Variants in FHIT observed in about 807,000 individuals in gnomAD.
The protein encoded by FHIT is fragile histidine triad diadenosine triphosphatase.
A neutral mutation model predicts 17.9 loss-of-function variants in FHIT; 19 were observed. That is an observed-to-expected ratio of 1.06 (90% confidence interval 0.74 to 1.56). FHIT has a LOEUF of 1.56. FHIT is among the 40% of genes most tolerant of loss of function. The pLI, the probability that FHIT is intolerant of heterozygous loss-of-function variation, is 0.00. For synonymous variants in FHIT, 81 were observed against 69.7 expected, an observed-to-expected ratio of 1.16 and a Z score of -0.81; for missense variants, 248 against 189.2, an observed-to-expected ratio of 1.31 and a Z score of -1.82.
At chr3:60,418,416 A>G (rs58916064) in intron 5 of FHIT, among the ~76,000 whole-genome samples, 3,543 of 45,334 alleles carry the variant, frequency 0.078, 376 homozygotes, top group East Asian at 0.21. Flanking sequence ...ATATATATAT[A>G]TATATATATA....
intron 5 of FHIT, among the ~76,000 whole-genome samples, chr3:60,079,603 C>T (rs980627479): frequency 5.3e-5 from 8 of 151,984 alleles, no homozygotes; most frequent in African/African-American, 9.7e-5. Flanking sequence ...CTCCTGAGAA[C>T]CCTACCTTCT....
chr3:60,069,983 C>A (rs1165153572), intron 5 of FHIT, among the ~76,000 whole-genome samples: 1 of 152,220 alleles, frequency 6.6e-6, no homozygotes, highest in Non-Finnish European at 1.5e-5. Context: ...CAGTTTGCAA[C>A]TTAGAAGTCA....
intron 8 of FHIT, among the ~76,000 whole-genome samples, chr3:59,826,358 GC>G (rs1440760352): frequency 3.9e-5 from 6 of 152,108 alleles, no homozygotes; most frequent in African/African-American, 1.2e-4. Context: ...CCCTTTTCCA[GC>G]AACTTCCATT....
At chr3:59,878,517 C>G (rs73100627) in intron 8 of FHIT, among the ~76,000 whole-genome samples, 3,322 of 152,234 alleles carry the variant, frequency 0.022, 46 homozygotes, top group South Asian at 0.063. Context: ...CTGACTCTCA[C>G]GCATTGTAAA....
At chr3:60,393,952 T>G (rs766279391) in intron 5 of FHIT, among the ~76,000 whole-genome samples, 1 of 152,120 alleles carries the variant, frequency 6.6e-6, no homozygotes, top group Non-Finnish European at 1.5e-5. Flanking sequence ...CCAGCTTGGA[T>G]TGATCCAGGA....
intron 4 of FHIT, among the ~76,000 whole-genome samples, chr3:60,572,490 A>C (rs1010756284): frequency 8.6e-5 from 13 of 151,992 alleles, no homozygotes; most frequent in African/African-American, 3.1e-4. Context: ...ATGGCTAAAA[A>C]TCCACAGCCA....
intron 8 of FHIT, among the ~76,000 whole-genome samples, chr3:59,915,394 A>G (rs1244290544): frequency 2.0e-5 from 3 of 152,208 alleles, no homozygotes; most frequent in African/African-American, 7.2e-5. Context: ...TTCAAACAAC[A>G]TAGGAGAGCA....
In FHIT at chr3:59,894,623, C is replaced by T. The variant is rs552611068; in HGVS notation, c.348+27723G>A. 5.9e-5 allele frequency among the ~76,000 whole-genome samples: 9 copies of T among 152,284 alleles called. No homozygotes were observed. In the South Asian group the frequency reaches 8.3e-4, roughly 14 times the overall value. The stretch of plus-strand genomic sequence containing the variant: ...GAATCAGTGAACTGGATAGACTCTA[C>T]CACCAAGATGTGATGTGTTGCGATG... On this transcript the variant is annotated intron_variant, in intron 8 of 9. Transcript: ENST00000492590.
intron 5 of FHIT, among the ~76,000 whole-genome samples, chr3:60,347,331 T>C (rs1365595831): frequency 6.6e-6 from 1 of 152,052 alleles, no homozygotes; most frequent in African/African-American, 2.4e-5. Context: ...AAGGAGTCAT[T>C]AGAATAAAAG....
chr3:59,936,358 T>G (rs571687703), intron 7 of FHIT, among the ~76,000 whole-genome samples: 1 of 152,206 alleles, frequency 6.6e-6, no homozygotes, highest in African/African-American at 2.4e-5. Flanking sequence ...AAAAAGGATT[T>G]GGATGCAAAT....
intron 5 of FHIT, among the ~76,000 whole-genome samples, chr3:60,523,549 T>C (rs1456548000): frequency 1.3e-5 from 2 of 152,130 alleles, no homozygotes; most frequent in Non-Finnish European, 2.9e-5. Flanking sequence ...CCTGTATGCA[T>C]GGGAAGCCAA....
chr3:61,051,423 T>C (rs1467495136), intron 2 of FHIT, among the ~76,000 whole-genome samples: 3 of 152,122 alleles, frequency 2.0e-5, no homozygotes, highest in Non-Finnish European at 2.9e-5. Context: ...CTAATTTTTG[T>C]ATTTTTGGTA....
intron 5 of FHIT, among the ~76,000 whole-genome samples, chr3:60,237,953 T>C (rs1017676899): frequency 1.3e-5 from 2 of 151,752 alleles, no homozygotes; most frequent in African/African-American, 4.8e-5. Flanking sequence ...CTGGCCAACA[T>C]GGTGAAACTC....
chr3:61,030,052 C>T (rs1268855876), intron 3 of FHIT, among the ~76,000 whole-genome samples: 2 of 152,188 alleles, frequency 1.3e-5, no homozygotes, highest in Non-Finnish European at 2.9e-5. Flanking sequence ...TAACTGCAAC[C>T]TTTGCGTCCC....
At chr3:61,004,742 C>A (rs1268780852) in intron 3 of FHIT, among the ~76,000 whole-genome samples, 1 of 152,108 alleles carries the variant, frequency 6.6e-6, no homozygotes, top group African/African-American at 2.4e-5. Context: ...AAAAAACCCA[C>A]TGATGAAGCA....
At chr3:59,896,146 C>T (rs113531926) in intron 8 of FHIT, among the ~76,000 whole-genome samples, 3 of 152,266 alleles carry the variant, frequency 2.0e-5, no homozygotes, top group African/African-American at 7.2e-5. Flanking sequence ...CACTGGCATC[C>T]CTCCCAGACT....
chr3:61,196,097 G>C (rs1042683917), intron 2 of FHIT, among the ~76,000 whole-genome samples: 3 of 152,072 alleles, frequency 2.0e-5, no homozygotes, highest in African/African-American at 7.2e-5. Context: ...GAGTGGAAAG[G>C]ATCAGAGAGC....
At chr3:60,416,090 A>G (rs1409875670) in intron 5 of FHIT, among the ~76,000 whole-genome samples, 1 of 151,732 alleles carries the variant, frequency 6.6e-6, no homozygotes, top group South Asian at 2.1e-4. Context: ...AAAATAGTGG[A>G]AAAAACATAA....
chr3:60,860,132 GAT>G lies in FHIT; in HGVS notation c.-110-38123_-110-38122del, dbSNP rs1317282211. ...TATATGATATATAAATGATATATCT[GAT>G]ATATATACATATGGTATATATGATA... is the stretch of plus-strand genomic sequence containing the variant. On this transcript the variant is annotated intron_variant, in intron 3 of 9. Coordinates refer to ENST00000492590, the MANE Select transcript of FHIT (RefSeq NM_002012.4). 2.3e-4 allele frequency among the ~76,000 whole-genome samples: 34 copies of G among 145,248 alleles called. 7 individuals are homozygous for G. The highest frequency in any genetic ancestry group is 1.1e-4 in the Non-Finnish European group (7 of 66,616).
Sources: allele counts gnomAD v4.1 joint callset (sites outside exome capture counted in the v4.1 genomes callset), GRCh38; gene constraint gnomAD v4.1.1; transcripts MANE v1.5; gene names NCBI Gene and HGNC (gene_info 2026-07-23, HGNC 2026-07-21).